The following CD2AP variants were observed in gnomAD, a reference collection of about 807,000 sequenced individuals.
CD2AP encodes the protein CD2 associated protein, also known as CD2-associated protein.
Under a neutral mutation model 85.1 loss-of-function variants are expected in CD2AP, and 46 were observed. The ratio of observed to expected loss-of-function variants is 0.54; its 90% CI spans 0.43 to 0.69. The LOEUF (loss-of-function observed/expected upper bound fraction) is 0.69. Ranked by LOEUF, CD2AP falls within the 30% of genes least tolerant of loss-of-function variation. CD2AP has a pLI of 0.00. For synonymous variants in CD2AP, 255 were observed against 252.9 expected, an observed-to-expected ratio of 1.01 and a Z score of -0.08; for missense variants, 769 against 729.5, an observed-to-expected ratio of 1.05 and a Z score of -0.62.
At chr6:47,553,120 A>G (rs1767571978) in intron 4 of CD2AP, among the ~76,000 whole-genome samples, 1 of 151,966 alleles carries the variant, frequency 6.6e-6, no homozygotes, top group African/African-American at 2.4e-5. Flanking sequence ...TGTTTTATTG[A>G]AGAACAGGGA....
Position 47,606,172 on chromosome 6 carries a change from A to G in CD2AP, c.1425A>G (p.Val475=), listed in dbSNP as rs776638684. ...TTTATTTTTATTTTCTAGATGTTGT[A>G]AATTTTGATGACATAGCTTCCTCAG... is the stretch of plus-strand genomic sequence containing the variant. ...TVRTSKETDV[V]NFDDIASSEN... The change falls in exon 14 of 18, where the codon GTA becomes GTG. Residue 475 remains valine (V), a synonymous_variant. Coordinates refer to ENST00000359314, the MANE Select transcript of CD2AP (RefSeq NM_012120.3). The G allele has an allele frequency of 6.5e-7, 1 of 1,543,782 alleles. No homozygotes were observed. The highest frequency in any genetic ancestry group is 1.4e-5 in the African/African-American group (1 of 73,656).
At chr6:47,510,909 CT>C (rs1187035163) in intron 2 of CD2AP, among the ~76,000 whole-genome samples, 2 of 151,708 alleles carry the variant, frequency 1.3e-5, no homozygotes, top group East Asian at 3.9e-4. Flanking sequence ...CCCATCTCTA[CT>C]AAAAATACAA....
At chr6:47,532,937 G>T (rs1766928314) in intron 2 of CD2AP, among the ~76,000 whole-genome samples, 1 of 151,958 alleles carries the variant, frequency 6.6e-6, no homozygotes, top group African/African-American at 2.4e-5. Context: ...TTCCATGATG[G>T]TTCACATGTC....
At chr6:47,514,179 T>C (rs943500956) in intron 2 of CD2AP, among the ~76,000 whole-genome samples, 1 of 152,220 alleles carries the variant, frequency 6.6e-6, no homozygotes, top group Admixed American at 6.5e-5. Flanking sequence ...CTATTAGCTG[T>C]AAAATTTTCA....
At chr6:47,521,411 G>A (rs1231089254) in intron 2 of CD2AP, among the ~76,000 whole-genome samples, 1 of 152,010 alleles carries the variant, frequency 6.6e-6, no homozygotes, top group Admixed American at 6.6e-5. Context: ...AATTAGCTGG[G>A]CGTGGTGGCG....
intron 17 of CD2AP, 76 bp downstream of exon 17, chr6:47,612,612 C>T (rs1185613193): frequency 1.8e-5 from 17 of 952,216 alleles, no homozygotes; most frequent in African/African-American, 4.9e-5. Context: ...ACTGGGTAAT[C>T]GGTTCCTGTA....
At chr6:47,516,384 A>G (rs372095479) in intron 2 of CD2AP, among the ~76,000 whole-genome samples, 6 of 152,190 alleles carry the variant, frequency 3.9e-5, no homozygotes, top group African/African-American at 1.2e-4. Context: ...AGTGGTCCAT[A>G]TTACTTTTTC....
intron 5 of CD2AP, among the ~76,000 whole-genome samples, chr6:47,556,578 A>T (rs1196506583): frequency 6.6e-6 from 1 of 151,496 alleles, no homozygotes; most frequent in Non-Finnish European, 1.5e-5. Context: ...TGAACCCCCG[A>T]CCTCAGGTGA....
In CD2AP at chr6:47,626,169, A is replaced by G. The variant is rs1035683641; in HGVS notation, c.*1942A>G. 1.3e-5 allele frequency: 2 copies of G among 151,896 alleles called. No individual in the cohort carries two copies. Among genetic ancestry groups the G allele is most frequent in the African/African-American group, 2.4e-5 (1 of 41,424 alleles). 9.4% of individuals were successfully genotyped at this position (151,896 alleles called of 1,614,324 possible). On this transcript the variant is annotated 3_prime_UTR_variant, in exon 18 of 18. Transcript: ENST00000359314. ...AAAGTTTTTGTTGGTCATTTTCTCA[A>G]TAGTACATGAAATCAAGATGCTTAT...
At chr6:47,519,655 G>A (rs1263764261) in intron 2 of CD2AP, among the ~76,000 whole-genome samples, 3 of 152,158 alleles carry the variant, frequency 2.0e-5, no homozygotes, top group Non-Finnish European at 4.4e-5. Context: ...TAGATATATA[G>A]TGGAATTTAT....
chr6:47,483,306 C>A (rs1170033559), intron 1 of CD2AP, among the ~76,000 whole-genome samples: 1 of 152,088 alleles, frequency 6.6e-6, no homozygotes, highest in Non-Finnish European at 1.5e-5. Context: ...TTGTCAGCAT[C>A]AGGGATATGT....
chr6:47,610,971 A>ATATATATATATATATATATATATATATT, intron 16 of CD2AP, among the ~76,000 whole-genome samples: 4 of 112,908 alleles, frequency 3.5e-5, no homozygotes, highest in African/African-American at 1.1e-4. Flanking sequence ...ATATATATGT[A>ATATATATATATATATATATATATATATT]TTTTTTTTTT....
At chr6:47,507,579 T>TG (rs1167138801) in intron 2 of CD2AP, among the ~76,000 whole-genome samples, 1 of 152,104 alleles carries the variant, frequency 6.6e-6, no homozygotes, top group Non-Finnish European at 1.5e-5. Flanking sequence ...TGCCTCCCCT[T>TG]GGATTACAGG....
intron 2 of CD2AP, among the ~76,000 whole-genome samples, chr6:47,508,534 C>CTTTTTTTTTTTT (rs374284567): frequency 7.7e-6 from 1 of 129,406 alleles, no homozygotes. Context: ...TTCTTTCTTT[C>CTTTTTTTTTTTT]TTTTTTTTTT....
intron 5 of CD2AP, among the ~76,000 whole-genome samples, chr6:47,560,968 T>A (rs923253599): frequency 1.3e-5 from 2 of 152,212 alleles, no homozygotes; most frequent in African/African-American, 4.8e-5. Context: ...AGACAAACTT[T>A]TGTCTTTCTC....
chr6:47,513,873 T>G (rs943534012), intron 2 of CD2AP, among the ~76,000 whole-genome samples: 1 of 134,514 alleles, frequency 7.4e-6, no homozygotes, highest in Admixed American at 7.1e-5. Context: ...ACCATCAGAC[T>G]TTAAAAAAAA....
At chr6:47,585,117 C>G (rs1047516034) in intron 11 of CD2AP, among the ~76,000 whole-genome samples, 6 of 151,568 alleles carry the variant, frequency 4.0e-5, no homozygotes, top group Admixed American at 2.6e-4. Context: ...CACGGTGAAA[C>G]CCCGTCTCTA....
chr6:47,609,419 G>A (rs931948297), intron 16 of CD2AP, 115 bp downstream of exon 16: 6 of 773,838 alleles, frequency 7.8e-6, no homozygotes, highest in Non-Finnish European at 1.3e-5. Context: ...GTTCGCGCCT[G>A]TAATCCCAGC....
chr6:47,615,505 GCA>G (rs1769552456), intron 17 of CD2AP, among the ~76,000 whole-genome samples: 1 of 152,076 alleles, frequency 6.6e-6, no homozygotes, highest in Admixed American at 6.5e-5. Flanking sequence ...GGAAGTAGGA[GCA>G]CACAGTTCAT....
Sources: allele counts gnomAD v4.1 joint callset (sites outside exome capture counted in the v4.1 genomes callset), GRCh38; gene constraint gnomAD v4.1.1; transcripts MANE v1.5; gene names NCBI Gene and HGNC (gene_info 2026-07-23, HGNC 2026-07-21).